Variants in GKAP1 observed in about 807,000 individuals in gnomAD.
GKAP1 encodes the protein G kinase anchoring protein 1, also known as G kinase-anchoring protein 1.
A neutral mutation model predicts 56.7 loss-of-function variants in GKAP1; 31 were observed. That is an observed-to-expected ratio of 0.55 (90% confidence interval 0.41 to 0.74). GKAP1 has a LOEUF of 0.74. GKAP1 is among the 30% of genes least tolerant of loss of function. The pLI, the probability that GKAP1 is intolerant of heterozygous loss-of-function variation, is 0.00. For synonymous variants in GKAP1, 151 were observed against 138.6 expected (o/e 1.09, Z -0.63); for missense variants, 364 against 402.3 (o/e 0.90, Z 0.82).
intron 7 of GKAP1, among the ~76,000 whole-genome samples, chr9:83,777,290 G>A (rs1328783677): frequency 6.6e-6 from 1 of 152,292 alleles, no homozygotes; most frequent in East Asian, 1.9e-4. Context: ...AAGGACTGGA[G>A]TTTGGAAGGC....
At chr9:83,788,455 A>C (rs1944100973) in intron 5 of GKAP1, 146 bp downstream of exon 5, 1 of 524,012 alleles carries the variant, frequency 1.9e-6, no homozygotes. Context: ...ATCCTATTAT[A>C]AACACTTCTT....
chr9:83,781,394 T>C (rs974029510), intron 6 of GKAP1, among the ~76,000 whole-genome samples: 2 of 152,226 alleles, frequency 1.3e-5, no homozygotes, highest in African/African-American at 2.4e-5. Flanking sequence ...GCAAGTATTC[T>C]TATTTAAAGT....
At chr9:83,756,712 C>A (rs1943484001) in intron 8 of GKAP1, among the ~76,000 whole-genome samples, 1 of 152,042 alleles carries the variant, frequency 6.6e-6, no homozygotes, top group East Asian at 1.9e-4. Flanking sequence ...TAATGATACC[C>A]ACCAACTTCA....
chr9:83,785,979 T>C (rs1484165476), intron 5 of GKAP1, among the ~76,000 whole-genome samples: 1 of 152,218 alleles, frequency 6.6e-6, no homozygotes, highest in African/African-American at 2.4e-5. Context: ...ACACATCTTA[T>C]ATACTTGCCA....
intron 7 of GKAP1, 92 bp downstream of exon 7, chr9:83,780,290 A>T: frequency 2.7e-6 from 2 of 751,698 alleles, no homozygotes; most frequent in Non-Finnish European, 4.4e-6. Flanking sequence ...CCTTTAAATG[A>T]TTATGTCTCA....
chr9:83,765,967 T>G (rs904440320), intron 8 of GKAP1, among the ~76,000 whole-genome samples: 1 of 152,180 alleles, frequency 6.6e-6, no homozygotes, highest in African/African-American at 2.4e-5. Context: ...TTTTGAAATG[T>G]GAGGACATGA....
chr9:83,756,445 TG>T (rs1223625239), intron 8 of GKAP1, among the ~76,000 whole-genome samples: 2 of 119,934 alleles, frequency 1.7e-5, no homozygotes, highest in Non-Finnish European at 3.2e-5. Flanking sequence ...CACTCCACCC[TG>T]GGCAACACAG....
intron 8 of GKAP1, among the ~76,000 whole-genome samples, chr9:83,762,084 G>C (rs144558906): frequency 7.8e-4 from 118 of 152,130 alleles, no homozygotes; most frequent in African/African-American, 2.8e-3. Context: ...GAAATAAAGG[G>C]CATCTAAATT....
intron 7 of GKAP1, among the ~76,000 whole-genome samples, chr9:83,777,906 G>A (rs1056936491): frequency 6.6e-6 from 1 of 152,056 alleles, no homozygotes; most frequent in African/African-American, 2.4e-5. Flanking sequence ...TAGATCAATG[G>A]TATAACCGTT....
intron 2 of GKAP1, among the ~76,000 whole-genome samples, chr9:83,807,166 T>A (rs1029444310): frequency 6.6e-6 from 1 of 152,248 alleles, no homozygotes; most frequent in Non-Finnish European, 1.5e-5. Context: ...TAGGTCAGTG[T>A]AGCTTCATTC....
At chr9:83,805,137 T>C (rs1469430223) in intron 3 of GKAP1, among the ~76,000 whole-genome samples, 3 of 152,220 alleles carry the variant, frequency 2.0e-5, no homozygotes, top group African/African-American at 7.2e-5. Flanking sequence ...TAAATTCTTC[T>C]GCCTTGGGAT....
intron 2 of GKAP1, among the ~76,000 whole-genome samples, chr9:83,810,406 G>A: frequency 6.6e-6 from 1 of 152,302 alleles, no homozygotes; most frequent in Admixed American, 6.5e-5. Context: ...TAGAAACCCT[G>A]AAAAGAGTCT....
intron 6 of GKAP1, among the ~76,000 whole-genome samples, chr9:83,781,981 C>A (rs373786786): frequency 8.6e-5 from 13 of 150,822 alleles, no homozygotes; most frequent in East Asian, 7.9e-4. Flanking sequence ...GTAGTTGGGA[C>A]TACAGGCGCG....
chr9:83,803,367 C>T (rs912272953), intron 3 of GKAP1, among the ~76,000 whole-genome samples: 39 of 152,092 alleles, frequency 2.6e-4, no homozygotes, highest in African/African-American at 8.9e-4. Context: ...ATTCTCCTGC[C>T]TCAGCCTGCC....
intron 3 of GKAP1, among the ~76,000 whole-genome samples, chr9:83,802,839 A>AT (rs1267873226): frequency 3.9e-5 from 6 of 151,922 alleles, no homozygotes; most frequent in African/African-American, 1.5e-4. Flanking sequence ...TTTAAAAAAA[A>AT]AAAATAAAAG....
Position 83,789,257 on chromosome 9 carries a change from T to A in GKAP1, c.361-579A>T, listed in dbSNP as rs557445424. On this transcript the variant is annotated intron_variant, in intron 4 of 12. Transcript: ENST00000376371. ...AATAATGATTCTTTGTGATATATAT[T>A]TGTTTCTCTTTTTCACTAATCAATC... Among the ~76,000 whole-genome samples the A allele has an allele frequency of 8.5e-5, 13 of 152,312 alleles. No homozygotes were observed. In the South Asian group the frequency reaches 1.7e-3, roughly 19 times the overall value.
intron 10 of GKAP1, 110 bp from the exon 11 acceptor site, chr9:83,742,710 C>CA (rs1414943060): frequency 6.2e-5 from 37 of 592,286 alleles, no homozygotes; most frequent in Non-Finnish European, 1.0e-4. Flanking sequence ...GATTTCTTGT[C>CA]ATACTTAAAG....
intron 4 of GKAP1, chr9:83,792,948 T>TA (rs1944186439): frequency 8.4e-7 from 1 of 1,184,940 alleles, no homozygotes; most frequent in South Asian, 1.5e-5. Context: ...AGAAGATACT[T>TA]ACATGTGTCC....
chr9:83,781,613 TAGAC>T (rs1190358027), intron 6 of GKAP1, among the ~76,000 whole-genome samples: 1 of 152,156 alleles, frequency 6.6e-6, no homozygotes, highest in East Asian at 1.9e-4. Flanking sequence ...CTTGGTAAAT[TAGAC>T]AGTCACTCTT....
Sources: gnomAD v4.1 joint callset for allele counts (sites outside exome capture counted in the v4.1 genomes callset) on GRCh38, gnomAD v4.1.1 for gene constraint, MANE v1.5 for transcripts, NCBI Gene and HGNC (gene_info 2026-07-23, HGNC 2026-07-21) for gene names.